ARHGAP44: variants seen among roughly 807,000 people sequenced by gnomAD.
The protein encoded by ARHGAP44 is Rho GTPase activating protein 44.
Under a neutral mutation model 106.8 loss-of-function variants are expected in ARHGAP44, and 43 were observed. That is an observed-to-expected ratio of 0.40 (90% CI 0.32 to 0.52). ARHGAP44 has a LOEUF of 0.52. ARHGAP44 is among the 20% of genes least tolerant of loss of function. The probability of loss-of-function intolerance (pLI) is 0.48; values close to 1 mark genes in which losing one functional copy is unlikely to be tolerated. For synonymous variants in ARHGAP44, 439 were observed against 410.3 expected (o/e 1.07, Z -0.85); for missense variants, 866 against 1,050.5 (o/e 0.82, Z 2.43).
chr17:12,868,824 G>T (rs1247636696), intron 1 of ARHGAP44, among the ~76,000 whole-genome samples: 3 of 150,652 alleles, frequency 2.0e-5, no homozygotes, highest in African/African-American at 7.3e-5. Flanking sequence ...CGCCTGGCTA[G>T]TTTTTGTATT....
intron 13 of ARHGAP44, among the ~76,000 whole-genome samples, chr17:12,954,864 G>A (rs1225061778): frequency 6.6e-6 from 1 of 151,992 alleles, no homozygotes; most frequent in Non-Finnish European, 1.5e-5. Flanking sequence ...ACTTTATTAA[G>A]CTATGATTTT....
chr17:12,824,418 AG>A (rs1375582858), intron 1 of ARHGAP44, among the ~76,000 whole-genome samples: 1 of 152,104 alleles, frequency 6.6e-6, no homozygotes, highest in African/African-American at 2.4e-5. Context: ...AAGAAGTTCT[AG>A]GGGCTGGGTC....
At chr17:12,907,221 C>T (rs1185567070) in intron 3 of ARHGAP44, among the ~76,000 whole-genome samples, 1 of 152,146 alleles carries the variant, frequency 6.6e-6, no homozygotes, top group East Asian at 1.9e-4. Flanking sequence ...GTGGTTCTTA[C>T]CTTGTTTTTG....
chr17:12,793,989 C>T lies in ARHGAP44; in HGVS notation c.53+4098C>T, dbSNP rs576465828. 1.3e-3 allele frequency among the ~76,000 whole-genome samples: 192 copies of T among 152,124 alleles called. 2 individuals carry two copies. The highest frequency in any genetic ancestry group is 3.4e-3 in the African/African-American group (140 of 41,502). ...AGCTCCTGATACCATGTTTCTTTAA[C>T]GTTGTGATGGTGGTCAGAGGAGAGA... On this transcript the variant is annotated intron_variant, in intron 1 of 20. Transcript: ENST00000379672.
At chr17:12,869,969 AC>A (rs1328248523) in intron 1 of ARHGAP44, among the ~76,000 whole-genome samples, 1 of 152,036 alleles carries the variant, frequency 6.6e-6, no homozygotes, top group African/African-American at 2.4e-5. Flanking sequence ...AAGATGAAGT[AC>A]AAACATAGAC....
At chr17:12,824,319 A>G (rs568990141) in intron 1 of ARHGAP44, among the ~76,000 whole-genome samples, 2 of 152,252 alleles carry the variant, frequency 1.3e-5, no homozygotes, top group Admixed American at 1.3e-4. Flanking sequence ...ACATTTTTGA[A>G]AAGATCACTC....
chr17:12,885,709 AT>A (rs999741921), intron 1 of ARHGAP44, among the ~76,000 whole-genome samples: 1 of 151,764 alleles, frequency 6.6e-6, no homozygotes, highest in Non-Finnish European at 1.5e-5. Flanking sequence ...TTTAAATAGG[AT>A]TTTTTTTCTT....
intron 1 of ARHGAP44, among the ~76,000 whole-genome samples, chr17:12,833,795 A>G (rs2035157442): frequency 2.0e-5 from 3 of 152,194 alleles, no homozygotes; most frequent in Admixed American, 1.3e-4. Flanking sequence ...CTTCCACGCC[A>G]TAGGTGGATT....
At chr17:12,955,723 C>T (rs1032267840) in intron 13 of ARHGAP44, 144 bp from the exon 14 acceptor site, 16 of 579,942 alleles carry the variant, frequency 2.8e-5, no homozygotes, top group Admixed American at 9.3e-5. Context: ...TTTCCTGACA[C>T]GTGACGCATG....
intron 7 of ARHGAP44, among the ~76,000 whole-genome samples, chr17:12,936,367 G>A (rs919681125): frequency 1.3e-5 from 2 of 152,010 alleles, no homozygotes; most frequent in African/African-American, 4.8e-5. Flanking sequence ...CCTCCCTGCT[G>A]ACCCTTGACA....
chr17:12,888,570 G>T (rs558339308), intron 1 of ARHGAP44, among the ~76,000 whole-genome samples: 1 of 152,276 alleles, frequency 6.6e-6, no homozygotes, highest in South Asian at 2.1e-4. Context: ...CTCATGTTGG[G>T]TGGAGTGTTC....
chr17:12,861,644 C>CTTTTTTTTT (rs71144930), intron 1 of ARHGAP44, among the ~76,000 whole-genome samples: 2 of 67,752 alleles, frequency 3.0e-5, no homozygotes, highest in East Asian at 4.2e-4. Context: ...TCCTCTTCCA[C>CTTTTTTTTT]TTTTTTTTTT....
chr17:12,898,777 T>C (rs987988123), intron 3 of ARHGAP44, among the ~76,000 whole-genome samples: 2 of 152,124 alleles, frequency 1.3e-5, no homozygotes, highest in Non-Finnish European at 2.9e-5. Flanking sequence ...TGACTGGCCA[T>C]GATTCACCAG....
At chr17:12,877,900 T>G (rs1230988110) in intron 1 of ARHGAP44, among the ~76,000 whole-genome samples, 1 of 152,248 alleles carries the variant, frequency 6.6e-6, no homozygotes, top group African/African-American at 2.4e-5. Context: ...TTGACTCTAG[T>G]CCACATAAAT....
chr17:12,913,743 GGATTACCTGAGGTC>G (rs2037810625), intron 4 of ARHGAP44, among the ~76,000 whole-genome samples: 4 of 151,428 alleles, frequency 2.6e-5, no homozygotes, highest in South Asian at 2.1e-4. Context: ...CGAGGCAGGT[GGATTACCTGAGGTC>G]CAGAGTTCAA....
At chr17:12,912,187 G>A (rs2037757873) in intron 4 of ARHGAP44, among the ~76,000 whole-genome samples, 1 of 152,102 alleles carries the variant, frequency 6.6e-6, no homozygotes, top group South Asian at 2.1e-4. Context: ...TTTTCAAATG[G>A]TAAGGGAAGA....
At chr17:12,808,775 A>T (rs1191549558) in intron 1 of ARHGAP44, among the ~76,000 whole-genome samples, 2 of 152,184 alleles carry the variant, frequency 1.3e-5, no homozygotes, top group Non-Finnish European at 2.9e-5. Flanking sequence ...CTCGTTACTT[A>T]TGCTAATTTC....
chr17:12,960,959 A>T (rs1002097465), intron 16 of ARHGAP44, among the ~76,000 whole-genome samples: 1 of 152,204 alleles, frequency 6.6e-6, no homozygotes. Flanking sequence ...ACTTGTTTTT[A>T]AATCTTATTA....
At chr17:12,835,398 G>T (rs548444103) in intron 1 of ARHGAP44, among the ~76,000 whole-genome samples, 2 of 152,198 alleles carry the variant, frequency 1.3e-5, no homozygotes, top group Admixed American at 6.5e-5. Context: ...ATTGATAAAA[G>T]GCAGAAGAGA....
Sources: allele counts gnomAD v4.1 joint callset (sites outside exome capture counted in the v4.1 genomes callset), GRCh38; gene constraint gnomAD v4.1.1; transcripts MANE v1.5; gene names NCBI Gene and HGNC (gene_info 2026-07-23, HGNC 2026-07-21).